Variants in ARHGAP8 observed in about 807,000 individuals in gnomAD.
The protein encoded by ARHGAP8 is rho GTPase-activating protein 8.
In ARHGAP8, 62 loss-of-function variants were observed where a neutral mutation model predicts 46.1. The observed-to-expected ratio is 1.34, with a 90% CI of 1.10 to 1.66. The LOEUF (loss-of-function observed/expected upper bound fraction) is 1.66. ARHGAP8 is among the 40% of genes most tolerant of loss of function. ARHGAP8 has a pLI of 0.00. For synonymous variants in ARHGAP8, 375 were observed against 243.1 expected (o/e 1.54, Z -5.05); for missense variants, 923 against 568.4 (o/e 1.62, Z -6.34).
chr22:44,823,514 C>T (rs1295476868), intron 6 of ARHGAP8, among the ~76,000 whole-genome samples: 1 of 151,992 alleles, frequency 6.6e-6, no homozygotes, highest in East Asian at 1.9e-4. Context: ...TGGAGGTCAC[C>T]TTGGGCCGGG....
chr22:44,758,381 C>G (rs1316806853), intron 1 of ARHGAP8, among the ~76,000 whole-genome samples: 2 of 152,090 alleles, frequency 1.3e-5, no homozygotes, highest in Non-Finnish European at 2.9e-5. Context: ...AAGATTGTGC[C>G]ACTGTACTCC....
At chr22:44,781,814 C>T (rs889015577) in intron 1 of ARHGAP8, among the ~76,000 whole-genome samples, 7 of 151,978 alleles carry the variant, frequency 4.6e-5, no homozygotes, top group African/African-American at 9.7e-5. Context: ...CGTGAGCCAC[C>T]GTGCCTGGCC....
At chr22:44,807,042 C>T (rs111343753) in intron 3 of ARHGAP8, among the ~76,000 whole-genome samples, 5,099 of 152,148 alleles carry the variant, frequency 0.034, 296 homozygotes, top group African/African-American at 0.12. Context: ...CGGGACCAGC[C>T]GAGCCTCTGC....
chr22:44,858,297 G>A lies in ARHGAP8; in HGVS notation c.878-1434G>A, dbSNP rs576544831. 7.9e-5 allele frequency among the ~76,000 whole-genome samples: 12 copies of A among 151,752 alleles called. 1 individual carries two copies. Among genetic ancestry groups the A allele is most frequent in the South Asian group, 2.1e-4 (1 of 4,832 alleles). On this transcript the variant is annotated intron_variant, in intron 10 of 11. Coordinates refer to ENST00000356099, the MANE Select transcript of ARHGAP8 (RefSeq NM_181335.3). ...AGCATAGGCATGCATGTGGCTGAGT[G>A]CACACATGTGCATACATGTTCACAC...
intron 2 of ARHGAP8, among the ~76,000 whole-genome samples, chr22:44,796,611 G>T (rs142411737): frequency 6.5e-4 from 99 of 152,132 alleles, no homozygotes; most frequent in Middle Eastern, 3.4e-3. Flanking sequence ...GGTTCCGTTG[G>T]CCCCTCGCTC....
chr22:44,854,707 C>G (rs562257389), intron 10 of ARHGAP8, among the ~76,000 whole-genome samples: 49 of 152,296 alleles, frequency 3.2e-4, no homozygotes, highest in Middle Eastern at 3.4e-3. Context: ...GGCACCATCT[C>G]AGCTCACTGC....
At position 44,845,287 on chromosome 22, in the gene ARHGAP8, A is replaced by G. The variant is rs1183981495; in HGVS notation, c.615A>G (p.Gln205=). The part of the protein sequence containing the change: ...VSLQYLKDKN[Q]GELIPPVLRF... Reference sequence around the variant, plus strand: ...TTCTCAGCCTCAAAGACAAAAATCAAGGCGAACTCATCCCCCCTGTGCTGA... The same window carrying G: ...TTCTCAGCCTCAAAGACAAAAATCAGGGCGAACTCATCCCCCCTGTGCTGA... The change falls in exon 8 of 12, where the codon CAA becomes CAG. Residue 205 remains glutamine (Q), a synonymous_variant. Transcript: ENST00000356099. 6.2e-7 allele frequency: 1 copy of G among 1,614,032 alleles called. No homozygotes were observed. Among genetic ancestry groups the G allele is most frequent in the Non-Finnish European group, 8.5e-7 (1 of 1,180,032 alleles).
intron 1 of ARHGAP8, among the ~76,000 whole-genome samples, chr22:44,762,543 CTTT>C (rs11293128): frequency 7.5e-5 from 9 of 120,302 alleles, no homozygotes; most frequent in Non-Finnish European, 6.9e-5. Context: ...CTCTCTCTCT[CTTT>C]TTTTTTTTTT....
intron 7 of ARHGAP8, among the ~76,000 whole-genome samples, chr22:44,831,494 A>G (rs1412176370): frequency 6.6e-6 from 1 of 151,494 alleles, no homozygotes; most frequent in East Asian, 2.0e-4. Context: ...TCAGGAGTTC[A>G]AGACCAGCCT....
intron 1 of ARHGAP8, among the ~76,000 whole-genome samples, chr22:44,753,225 C>G: frequency 7.1e-6 from 1 of 140,736 alleles, no homozygotes; most frequent in East Asian, 2.1e-4. Flanking sequence ...AAAGCAGAAA[C>G]TTTTTTTTTT....
chr22:44,791,910 G>A (rs3788622), intron 2 of ARHGAP8, among the ~76,000 whole-genome samples: 23,932 of 152,094 alleles, frequency 0.16, 2,192 homozygotes, highest in East Asian at 0.42. Flanking sequence ...AAGCACCAAA[G>A]CAAGAAAAAT....
intron 11 of ARHGAP8, among the ~76,000 whole-genome samples, chr22:44,861,220 C>T (rs2070465984): frequency 6.6e-6 from 1 of 152,136 alleles, no homozygotes; most frequent in African/African-American, 2.4e-5. Flanking sequence ...GATCCACCTG[C>T]CTCGGCCTCT....
At chr22:44,752,906 C>T (rs1229272103) in intron 1 of ARHGAP8, among the ~76,000 whole-genome samples, 1 of 150,310 alleles carries the variant, frequency 6.7e-6, no homozygotes, top group Non-Finnish European at 1.5e-5. Flanking sequence ...CTGTCCTGTT[C>T]CTTCTCACCC....
rs1018424150 is a variant in ARHGAP8 at position 44,773,775 on chromosome 22, G to A, written c.-71-12682G>A. Among the ~76,000 whole-genome samples the A allele has an allele frequency of 1.1e-4, 17 of 152,134 alleles. No homozygotes were observed. The East Asian group carries it at 3.1e-3, about 28-fold the overall frequency. ...TTTTTGTATTTTTAGTAGAGATAGG[G>A]TTTTGCCATGTTGCCCAGGTTGGTC... On this transcript the variant is annotated intron_variant, in intron 1 of 11. Transcript: ENST00000356099.
At chr22:44,822,319 C>A in intron 5 of ARHGAP8, 52 bp from the exon 6 acceptor site, 1 of 1,506,264 alleles carries the variant, frequency 6.6e-7, no homozygotes, top group Non-Finnish European at 8.9e-7. Context: ...CAACCCTCGG[C>A]CTCTCTGCTG....
At chr22:44,860,119 C>T (rs2070398563) in intron 11 of ARHGAP8, among the ~76,000 whole-genome samples, 1 of 152,124 alleles carries the variant, frequency 6.6e-6, no homozygotes. Context: ...GTCCTCTGCC[C>T]CCATGTCATT....
At chr22:44,797,868 C>T (rs1002627862) in intron 2 of ARHGAP8, among the ~76,000 whole-genome samples, 17 of 152,138 alleles carry the variant, frequency 1.1e-4, no homozygotes, top group African/African-American at 3.4e-4. Flanking sequence ...AGTGTAGTGG[C>T]GTGATCCTAG....
intron 1 of ARHGAP8, among the ~76,000 whole-genome samples, chr22:44,782,583 G>A (rs1236505456): frequency 1.3e-5 from 2 of 152,072 alleles, no homozygotes; most frequent in African/African-American, 2.4e-5. Flanking sequence ...ATGTAAATGG[G>A]ATCATACCGT....
intron 1 of ARHGAP8, among the ~76,000 whole-genome samples, chr22:44,760,571 A>G (rs534587905): frequency 1.3e-5 from 2 of 152,310 alleles, no homozygotes; most frequent in African/African-American, 2.4e-5. Flanking sequence ...CTTCCTCTGT[A>G]TGCCCTGCAC....
Sources: gnomAD v4.1 joint callset for allele counts (sites outside exome capture counted in the v4.1 genomes callset) on GRCh38, gnomAD v4.1.1 for gene constraint, MANE v1.5 for transcripts, NCBI Gene and HGNC (gene_info 2026-07-23, HGNC 2026-07-21) for gene names.